PCDH9: variants seen among roughly 807,000 people sequenced by gnomAD.
PCDH9 encodes the protein protocadherin-9.
PCDH9 carries 24 observed loss-of-function variants against 70.6 expected under a neutral mutation model. The observed-to-expected ratio is 0.34, with a 90% confidence interval of 0.25 to 0.48. The LOEUF is 0.48. Ranked by LOEUF, PCDH9 falls within the 20% of genes least tolerant of loss-of-function variation. The pLI, the probability that PCDH9 is intolerant of heterozygous loss-of-function variation, is 0.99. For synonymous variants in PCDH9, 562 were observed against 558.5 expected (o/e 1.01, Z -0.09); for missense variants, 1,281 against 1,503.6 (o/e 0.85, Z 2.45).
chr13:67,138,138 T>C (rs2087281273), intron 2 of PCDH9, among the ~76,000 whole-genome samples: 1 of 152,170 alleles, frequency 6.6e-6, no homozygotes, highest in Non-Finnish European at 1.5e-5. Context: ...TTGAATTCTA[T>C]CTTTACTATT....
chr13:66,470,093 T>C (rs1825049698), intron 4 of PCDH9, among the ~76,000 whole-genome samples: 1 of 152,182 alleles, frequency 6.6e-6, no homozygotes, highest in Non-Finnish European at 1.5e-5. Flanking sequence ...ATGATTTTGT[T>C]CTTGGTAAGT....
At position 66,405,291 on chromosome 13, in the gene PCDH9, T is replaced by C. The variant is rs185443008; in HGVS notation, c.3341-100263A>G. Among the ~76,000 whole-genome samples the C allele has an allele frequency of 4.9e-4, 74 of 152,340 alleles. 1 individual carries two copies. The highest frequency in any genetic ancestry group is 1.7e-3 in the African/African-American group (71 of 41,590). On this transcript the variant is annotated intron_variant, in intron 4 of 4. Transcript: ENST00000377865. The stretch of plus-strand genomic sequence containing the variant: ...TAACCTAGCACCAGTTTTCAAGATG[T>C]TGTTTGCAATAAGAAACTGTTGCAA...
At chr13:67,085,931 AC>A (rs1288497017) in intron 2 of PCDH9, among the ~76,000 whole-genome samples, 2 of 152,182 alleles carry the variant, frequency 1.3e-5, no homozygotes, top group African/African-American at 4.8e-5. Flanking sequence ...CAAGTGAAAA[AC>A]AAAAATTATT....
chr13:66,364,595 A>T (rs1027955282), intron 4 of PCDH9, among the ~76,000 whole-genome samples: 1 of 152,144 alleles, frequency 6.6e-6, no homozygotes, highest in Non-Finnish European at 1.5e-5. Context: ...TCTCCTTTCT[A>T]CCCACTGCAT....
At chr13:66,445,092 T>G (rs1958046943) in intron 4 of PCDH9, among the ~76,000 whole-genome samples, 1 of 147,160 alleles carries the variant, frequency 6.8e-6, no homozygotes, top group South Asian at 2.1e-4. Context: ...ATATATAATA[T>G]TATATATAAT....
At chr13:66,635,296 C>A (rs1225910226) in intron 3 of PCDH9, among the ~76,000 whole-genome samples, 1 of 152,054 alleles carries the variant, frequency 6.6e-6, no homozygotes, top group Non-Finnish European at 1.5e-5. Flanking sequence ...CATTTGTTTA[C>A]CTGATTTATC....
chr13:67,130,326 A>G (rs1294956571), intron 2 of PCDH9, among the ~76,000 whole-genome samples: 1 of 152,208 alleles, frequency 6.6e-6, no homozygotes, highest in Non-Finnish European at 1.5e-5. Flanking sequence ...CAAAACTTTA[A>G]GATGACTATC....
chr13:66,521,910 A>G (rs1280162303), intron 4 of PCDH9, among the ~76,000 whole-genome samples: 1 of 151,814 alleles, frequency 6.6e-6, no homozygotes, highest in Non-Finnish European at 1.5e-5. Flanking sequence ...ATTATCCTGG[A>G]GTAGATTTTC....
chr13:66,785,283 A>G (rs1432308520), intron 3 of PCDH9, among the ~76,000 whole-genome samples: 2 of 152,136 alleles, frequency 1.3e-5, no homozygotes, highest in East Asian at 3.9e-4. Flanking sequence ...TGTATTATCT[A>G]TTATGCCTCT....
chr13:66,431,928 A>T (rs1957776710), intron 4 of PCDH9, among the ~76,000 whole-genome samples: 1 of 152,014 alleles, frequency 6.6e-6, no homozygotes, highest in Non-Finnish European at 1.5e-5. Flanking sequence ...CAATGATCAG[A>T]TTCTAACATT....
chr13:66,314,038 T>A (rs1021762140), intron 4 of PCDH9, among the ~76,000 whole-genome samples: 1 of 152,170 alleles, frequency 6.6e-6, no homozygotes, highest in African/African-American at 2.4e-5. Context: ...ATATCACAGC[T>A]CAGTGCTTCT....
chr13:66,955,559 A>T (rs369428014), intron 2 of PCDH9, among the ~76,000 whole-genome samples: 16 of 152,176 alleles, frequency 1.1e-4, no homozygotes, highest in African/African-American at 3.9e-4. Context: ...GACCTCTTTG[A>T]GAAAGACACA....
intron 3 of PCDH9, among the ~76,000 whole-genome samples, chr13:66,665,907 C>T (rs564344924): frequency 3.5e-4 from 53 of 152,050 alleles, no homozygotes; most frequent in Middle Eastern, 3.4e-3. Context: ...TTTTCCAAAA[C>T]CATCCACTAA....
At chr13:66,306,385 A>G (rs1955465838) in intron 4 of PCDH9, 1 of 151,434 alleles carries the variant, frequency 6.6e-6, no homozygotes, top group African/African-American at 2.4e-5. Flanking sequence ...CAGAGACAGC[A>G]AACCACAGGC....
intron 4 of PCDH9, among the ~76,000 whole-genome samples, chr13:66,408,107 G>A (rs1043870732): frequency 1.4e-5 from 2 of 147,150 alleles, no homozygotes; most frequent in African/African-American, 2.5e-5. Flanking sequence ...GCCGGACTGC[G>A]GACTGCAGTG....
intron 2 of PCDH9, chr13:67,224,848 T>G: frequency 1.1e-6 from 1 of 951,592 alleles, no homozygotes; most frequent in Non-Finnish European, 1.3e-6. Flanking sequence ...GAAGACTTCC[T>G]ATATGGCTTA....
chr13:66,666,822 A>G (rs778095646), intron 3 of PCDH9, among the ~76,000 whole-genome samples: 9 of 152,206 alleles, frequency 5.9e-5, no homozygotes, highest in Non-Finnish European at 1.2e-4. Flanking sequence ...TATTTGAGGT[A>G]TGAGGCAAAA....
chr13:66,443,748 T>A (rs186635960), intron 4 of PCDH9, among the ~76,000 whole-genome samples: 190 of 152,282 alleles, frequency 1.2e-3, no homozygotes, highest in Admixed American at 3.3e-3. Context: ...AGTAAATATA[T>A]AGATAAAGAT....
chr13:66,895,567 T>C (rs998077870), intron 3 of PCDH9, among the ~76,000 whole-genome samples: 2 of 152,210 alleles, frequency 1.3e-5, no homozygotes, highest in Non-Finnish European at 2.9e-5. Context: ...TCTGTGCACA[T>C]GTGCAGAAAC....
Sources: allele counts gnomAD v4.1 joint callset (sites outside exome capture counted in the v4.1 genomes callset), GRCh38; gene constraint gnomAD v4.1.1; transcripts MANE v1.5; gene names NCBI Gene and HGNC (gene_info 2026-07-23, HGNC 2026-07-21).